SRRT: variants seen among roughly 807,000 people sequenced by gnomAD.
The protein encoded by SRRT is serrate, RNA effector molecule.
A neutral mutation model predicts 103.2 loss-of-function variants in SRRT; 32 were observed. That is an observed-to-expected ratio of 0.31 (90% CI 0.23 to 0.42). The LOEUF is 0.42. SRRT is among the 10% of genes least tolerant of loss of function. The pLI, the probability that SRRT is intolerant of heterozygous loss-of-function variation, is 1.00. For synonymous variants in SRRT, 525 were observed against 449.0 expected (o/e 1.17, Z -2.14); for missense variants, 986 against 1,207.5 (o/e 0.82, Z 2.72).
rs775147901 is a variant in SRRT at position 100,882,096 on chromosome 7, G to C, written c.442G>C (p.Val148Leu). The part of the protein sequence containing the change: ...AEIDLGVPPP[V>L]MKTFKEFLLS... ...GATTGACCTGGGTGTGCCGCCGCCC[G>C]TGATGAAGACCTTCAAGGAGTTTCT... is the stretch of plus-strand genomic sequence containing the variant. The change falls in exon 5 of 20, where the codon GTG becomes CTG. Residue 148 changes from valine to leucine, a missense_variant. Coordinates refer to ENST00000611405, the MANE Select transcript of SRRT (RefSeq NM_015908.6). This position sits in a 1 kb window ranked among gnomAD's most constrained non-coding sequence, Gnocchi z 4.2. 1 of 1,614,068 alleles carries C rather than the reference G, an allele frequency of 6.2e-7. No homozygotes were observed. The highest frequency in any genetic ancestry group is 8.5e-7 in the Non-Finnish European group (1 of 1,180,006).
Position 100,885,166 on chromosome 7 carries a change from C to T in SRRT, c.1160-47C>T, listed in dbSNP as rs1789969985. On this transcript the variant is annotated intron_variant, in intron 9 of 19. Coordinates refer to ENST00000611405, the MANE Select transcript of SRRT (RefSeq NM_015908.6). This position sits in a 1 kb window ranked among gnomAD's most constrained non-coding sequence, Gnocchi z 4.8. Reference sequence around the variant, plus strand: ...GCTTCTGTATCCTCCCCACCACAATCAGTAATAAAAATGCACCAACTCCTT... The same window carrying T: ...GCTTCTGTATCCTCCCCACCACAATTAGTAATAAAAATGCACCAACTCCTT... 6.2e-7 allele frequency: 1 copy of T among 1,604,310 alleles called. No individual in the cohort carries two copies. Among genetic ancestry groups the T allele is most frequent in the Non-Finnish European group, 8.5e-7 (1 of 1,174,302 alleles).
chr7:100,884,602 G>T, intron 7 of SRRT, 50 bp downstream of exon 7: 1 of 866,194 alleles, frequency 1.2e-6, no homozygotes, highest in Admixed American at 2.2e-5. Context: ...TGGGGGAGGG[G>T]GGCGGGTAGG....
rs1438568221 is a variant in SRRT at position 100,887,341 on chromosome 7, T to C, written c.1997T>C (p.Phe666Ser). ...ACAGTGCTGGAGTGGCAGAAGACTT[T>C]TGAGGAGAAGCTCACGCCGTTGCTG... ...HGEVLEWQKT[F>S]EEKLTPLLSV... The change falls in exon 16 of 20, where the codon TTT (phenylalanine) becomes TCT (serine). Residue 666 changes from phenylalanine (F) to serine (S), a missense_variant. Around this residue, in one of 6 missense-constraint regions of SRRT, gnomAD observed 349 missense variants for 446.9 expected, o/e 0.78. Transcript: ENST00000611405. The surrounding 1 kb of genome is among the most constrained non-coding windows in gnomAD (Gnocchi z 4.1). 1.2e-6 allele frequency: 2 copies of C among 1,614,122 alleles called. No individual in the cohort carries two copies. Among genetic ancestry groups the C allele is most frequent in the Non-Finnish European group, 1.7e-6 (2 of 1,180,002 alleles).
In SRRT at chr7:100,884,459, C is replaced by G; in HGVS notation, c.849C>G (p.Pro283=). The G allele has an allele frequency of 1.2e-6, 2 of 1,613,830 alleles. No individual in the cohort carries two copies. Among genetic ancestry groups the G allele is most frequent in the East Asian group, 2.2e-5 (1 of 44,868 alleles). Residue 283 remains proline (P), a synonymous_variant, in exon 7 of 20, where the codon CCC becomes CCG. Transcript: ENST00000611405. ...EEEQAGKPGE[P]SKKEEGRAGA... is the part of the protein sequence containing the mutation. Reference sequence around the variant, plus strand: ...AGCAGGCAGGAAAGCCTGGGGAGCCCAGCAAGAAAGAAGAAGGACGGGCTG... The same window carrying G: ...AGCAGGCAGGAAAGCCTGGGGAGCCGAGCAAGAAAGAAGAAGGACGGGCTG...
At position 100,884,910 on chromosome 7, in the gene SRRT, G is replaced by A. The variant is rs778952384; in HGVS notation, c.1042-13G>A. 4 of 1,613,924 alleles carry A rather than the reference G, an allele frequency of 2.5e-6. No individual in the cohort carries two copies. The highest frequency in any genetic ancestry group is 3.4e-6 in the Non-Finnish European group (4 of 1,179,978). On this transcript the variant is annotated splice_polypyrimidine_tract_variant and intron_variant, in intron 8 of 19. Transcript: ENST00000611405. Reference sequence around the variant, plus strand: ...GGCACGCTGACTTGTCCCCTCTGCTGTGGCTCACACAGAGTAGCAAGAAGC... The same window carrying A: ...GGCACGCTGACTTGTCCCCTCTGCTATGGCTCACACAGAGTAGCAAGAAGC...
At chr7:100,886,069 C>T (rs771413923) in intron 12 of SRRT, 128 bp downstream of exon 12, 15 of 1,326,448 alleles carry the variant, frequency 1.1e-5, no homozygotes, top group Middle Eastern at 2.6e-4. Context: ...TGTCTGGCTA[C>T]GTTGTCTCTG....
At chr7:100,881,142 C>CG (rs57137266) in intron 2 of SRRT, 143 bp from the exon 3 acceptor site, 38,518 of 575,950 alleles carry the variant, frequency 0.067, 972 homozygotes, top group African/African-American at 0.27. Flanking sequence ...TGGCGGGGGG[C>CG]GGGGGGGGGT....
chr7:100,883,382 C>T (rs1181647178), intron 5 of SRRT, among the ~76,000 whole-genome samples: 1 of 152,196 alleles, frequency 6.6e-6, no homozygotes, highest in Non-Finnish European at 1.5e-5. Flanking sequence ...TCATACTCCT[C>T]ATTTCTTCTG....
In SRRT at chr7:100,887,684, C is replaced by T. The variant is rs1183654345; in HGVS notation, c.2170-19C>T. The T allele has an allele frequency of 1.9e-6, 3 of 1,600,282 alleles. No individual in the cohort carries two copies. Among genetic ancestry groups the T allele is most frequent in the East Asian group, 4.5e-5 (2 of 44,472 alleles). On this transcript the variant is annotated intron_variant, in intron 16 of 19. Transcript: ENST00000611405. The surrounding 1 kb of genome is among the most constrained non-coding windows in gnomAD (Gnocchi z 4.1). ...AACCCTTATGTGGCTGTCCTGACCC[C>T]TCTCCTCTCTCCACCCAGGGTCCTG...
chr7:100,886,666 A>T, intron 13 of SRRT, 129 bp from the exon 14 acceptor site: 4 of 1,125,460 alleles, frequency 3.6e-6, no homozygotes. Flanking sequence ...ACAAATCTCA[A>T]GGGGGCAAAA....
chr7:100,878,591 G>C (rs1168556546), intron 2 of SRRT, among the ~76,000 whole-genome samples: 1 of 151,408 alleles, frequency 6.6e-6, no homozygotes, highest in South Asian at 2.1e-4. Context: ...ATAAAGAAAA[G>C]AAAAAAAAGA....
chr7:100,878,399 A>G (rs1452577811), intron 2 of SRRT, among the ~76,000 whole-genome samples: 1 of 152,136 alleles, frequency 6.6e-6, no homozygotes, highest in Admixed American at 6.6e-5. Flanking sequence ...TCTTGGTGAG[A>G]TAGGCAGTGA....
intron 2 of SRRT, among the ~76,000 whole-genome samples, chr7:100,878,277 A>G (rs1391673895): frequency 6.6e-6 from 1 of 152,058 alleles, no homozygotes; most frequent in Non-Finnish European, 1.5e-5. Context: ...GCACCACTGC[A>G]TTCCAACCTG....
Position 100,885,467 on chromosome 7 carries a change from C to G in SRRT, c.1317+97C>G. On this transcript the variant is annotated intron_variant, in intron 10 of 19. Coordinates refer to ENST00000611405, the MANE Select transcript of SRRT (RefSeq NM_015908.6). This position sits in a 1 kb window ranked among gnomAD's most constrained non-coding sequence, Gnocchi z 4.8. ...CTGCCTGTGACAGATGCCCCCGTTT[C>G]ACCTGCTAGGGAGGCCCCTTCCCCA... is the stretch of plus-strand genomic sequence containing the variant. The G allele has an allele frequency of 1.5e-6, 2 of 1,360,058 alleles. No homozygotes were observed. The highest frequency in any genetic ancestry group is 4.5e-5 in the Admixed American group (2 of 44,498). The allele number at this position is 1,360,058 out of a possible 1,614,324, so 84.2% of individuals were successfully genotyped here. A position where few individuals can be genotyped will look rare whatever the true frequency, so the allele number is the denominator to read the frequency against.
At position 100,882,325 on chromosome 7, in the gene SRRT, A is replaced by G; in HGVS notation, c.587+84A>G. 6.8e-7 allele frequency: 1 copy of G among 1,477,840 alleles called. No homozygotes were observed. Among genetic ancestry groups the G allele is most frequent in the Non-Finnish European group, 9.2e-7 (1 of 1,090,334 alleles). 91.5% of individuals were successfully genotyped at this position (1,477,840 alleles called of 1,614,324 possible). A position where few individuals can be genotyped will look rare whatever the true frequency, so the allele number is the denominator to read the frequency against. Reference sequence around the variant, plus strand: ...GGAGCCACAGCCCTGTCCTCTTCCCAGTTTTCCCTGTCCAGAACTTTCTGG... The same window carrying G: ...GGAGCCACAGCCCTGTCCTCTTCCCGGTTTTCCCTGTCCAGAACTTTCTGG... On this transcript the variant is annotated intron_variant, in intron 5 of 19. Coordinates refer to ENST00000611405, the MANE Select transcript of SRRT (RefSeq NM_015908.6). The surrounding 1 kb of genome is among the most constrained non-coding windows in gnomAD (Gnocchi z 4.2).
rs1563020062 is a variant in SRRT, at chr7:100,884,809, AAAG to A, written c.1017_1019del (p.Glu339del). 6.2e-7 allele frequency: 1 copy of A among 1,614,040 alleles called. No individual in the cohort carries two copies. The highest frequency in any genetic ancestry group is 8.5e-7 in the Non-Finnish European group (1 of 1,180,002). The stretch of plus-strand genomic sequence containing the variant: ...GGGTGATGGGGACAAGGAAGAGAAG[AAAG>A]AAGACTCCGAGAAGGAAGCCAAAAA... On this transcript the variant is annotated inframe_deletion, in exon 8 of 20. Transcript: ENST00000611405.
At chr7:100,888,202 CAG>C (rs1050524405) in intron 18 of SRRT, 53 bp from the exon 19 acceptor site, 193 of 1,599,568 alleles carry the variant, frequency 1.2e-4, no homozygotes, top group African/African-American at 5.2e-4. Context: ...GAGAAGAAAA[CAG>C]AGGATGGAAT....
At position 100,885,577 on chromosome 7, in the gene SRRT, C is replaced by T; in HGVS notation, c.1318-124C>T. 5 of 1,210,794 alleles carry T rather than the reference C, an allele frequency of 4.1e-6. No homozygotes were observed. The highest frequency in any genetic ancestry group is 5.9e-6 in the Non-Finnish European group (5 of 849,086). 75.0% of individuals were successfully genotyped at this position (1,210,794 alleles called of 1,614,324 possible). The stretch of plus-strand genomic sequence containing the variant: ...TCTGAAGCCCTTTAGTGGTTTTTCC[C>T]TGCCCAAGGATGGGAAGAGTGATAA... On this transcript the variant is annotated intron_variant, in intron 10 of 19. Coordinates refer to ENST00000611405, the MANE Select transcript of SRRT (RefSeq NM_015908.6). This position sits in a 1 kb window ranked among gnomAD's most constrained non-coding sequence, Gnocchi z 4.8.
At position 100,887,257 on chromosome 7, in the gene SRRT, C is replaced by T. The variant is rs181597077; in HGVS notation, c.1975+57C>T. ...GCCCCTGGCCTTGGTCCTCCAGCCC[C>T]TTGCCACCATCCTTCCTTCTGGCTC... On this transcript the variant is annotated intron_variant, in intron 15 of 19. Transcript: ENST00000611405. This position sits in a 1 kb window ranked among gnomAD's most constrained non-coding sequence, Gnocchi z 4.1. 1.2e-6 allele frequency: 2 copies of T among 1,611,270 alleles called. No individual in the cohort carries two copies. Among genetic ancestry groups the T allele is most frequent in the African/African-American group, 1.3e-5 (1 of 75,008 alleles).
Sources: gnomAD v4.1 joint callset for allele counts (sites outside exome capture counted in the v4.1 genomes callset) on GRCh38, gnomAD v4.1.1 for gene constraint, gnomAD v4.1.1 regional missense constraint, Gnocchi (gnomAD v3.1) non-coding constraint, MANE v1.5 for transcripts, NCBI Gene and HGNC (gene_info 2026-07-23, HGNC 2026-07-21) for gene names.